Variants in DGKH observed in about 807,000 individuals in gnomAD.
DGKH encodes the protein diacylglycerol kinase eta, also known as DAG kinase eta.
DGKH carries 90 observed loss-of-function variants against 159.3 expected under a neutral mutation model. The ratio of observed to expected loss-of-function variants is 0.57; its 90% CI spans 0.48 to 0.67. The LOEUF (loss-of-function observed/expected upper bound fraction) is 0.67. DGKH is among the 30% of genes least tolerant of loss of function. The pLI, the probability that DGKH is intolerant of heterozygous loss-of-function variation, is 0.00. For missense variants in DGKH, 1,181 were observed against 1,506.1 expected (o/e 0.78, Z 3.57); for synonymous variants, 536 against 553.8 (o/e 0.97, Z 0.45).
At chr13:42,041,198 C>G (rs929861205) in intron 1 of DGKH, among the ~76,000 whole-genome samples, 1 of 151,090 alleles carries the variant, frequency 6.6e-6, no homozygotes, top group Non-Finnish European at 1.5e-5. Context: ...GCTTCACCGA[C>G]TCCTCAACTT....
chr13:42,064,715 G>T (rs1882435778), intron 1 of DGKH, among the ~76,000 whole-genome samples: 1 of 152,186 alleles, frequency 6.6e-6, no homozygotes, highest in Admixed American at 6.5e-5. Flanking sequence ...TAATTTTAAT[G>T]ATTTTAGATA....
intron 1 of DGKH, among the ~76,000 whole-genome samples, chr13:42,049,220 C>A (rs1454559055): frequency 6.7e-6 from 1 of 150,252 alleles, no homozygotes; most frequent in African/African-American, 2.5e-5. Context: ...CGCTGGACCG[C>A]GGTGCTGCGG....
At chr13:42,193,393 G>T (rs1957130168) in intron 16 of DGKH, among the ~76,000 whole-genome samples, 2 of 152,170 alleles carry the variant, frequency 1.3e-5, no homozygotes, top group African/African-American at 4.8e-5. Context: ...GTCTTTAATG[G>T]TACAGTATTT....
At position 42,238,368 on chromosome 13, in the gene DGKH, C is replaced by T. The variant is rs1472336955; in HGVS notation, c.*9180C>T. ...ATTTTCATCTGTTATATTACATGTT[C>T]ATATTATTCATTTTAGGATAGGCCA... On this transcript the variant is annotated 3_prime_UTR_variant, in exon 30 of 30. Transcript: ENST00000337343. 6.6e-6 allele frequency: 1 copy of T among 152,068 alleles called. No individual in the cohort carries two copies. Among genetic ancestry groups the T allele is most frequent in the Non-Finnish European group, 1.5e-5 (1 of 67,982 alleles). 9.4% of individuals were successfully genotyped at this position (152,068 alleles called of 1,614,324 possible).
chr13:42,060,456 C>T (rs1368906644), intron 1 of DGKH, among the ~76,000 whole-genome samples: 3 of 152,184 alleles, frequency 2.0e-5, no homozygotes, highest in African/African-American at 7.2e-5. Flanking sequence ...CCCTAGCCAT[C>T]TCAGTCTCCG....
At chr13:42,160,785 G>A (rs1019049973) in intron 7 of DGKH, among the ~76,000 whole-genome samples, 3 of 152,192 alleles carry the variant, frequency 2.0e-5, no homozygotes, top group African/African-American at 4.8e-5. Context: ...GTGGTTTTGA[G>A]TCTTGTCTTT....
At chr13:42,208,049 C>T (rs77314703) in intron 21 of DGKH, among the ~76,000 whole-genome samples, 17,186 of 152,054 alleles carry the variant, frequency 0.11, 1,219 homozygotes, top group Non-Finnish European at 0.16. Flanking sequence ...AAGAGCTTCA[C>T]ATTCATTATT....
rs754695434 is a variant in DGKH at position 42,214,594 on chromosome 13, C to T, written c.3102C>T (p.Ala1034=). Residue 1034 remains alanine, a synonymous_variant, in exon 25 of 30, where the codon GCC becomes GCT. Transcript: ENST00000337343. ...CCTGCTCCCATGCCCTGAATAAAGCCAACCCAAGGTGCCCGGAGGTGAGGA... is the reference window on the plus strand; with the variant it reads ...CCTGCTCCCATGCCCTGAATAAAGCTAACCCAAGGTGCCCGGAGGTGAGGA... ...VNACSHALNK[A]NPRCPESLTR... is the part of the protein sequence containing the mutation. The T allele has an allele frequency of 2.2e-5, 35 of 1,613,528 alleles. No homozygotes were observed. The East Asian group carries it at 7.8e-4, about 36-fold the overall frequency.
intron 29 of DGKH, chr13:42,225,255 A>C: frequency 1.3e-6 from 2 of 1,582,764 alleles, no homozygotes; most frequent in Non-Finnish European, 1.7e-6. Flanking sequence ...TTAGCAGATA[A>C]GGAAACAAAC....
intron 8 of DGKH, 125 bp downstream of exon 8, chr13:42,165,558 C>T (rs1956291379): frequency 2.1e-6 from 1 of 481,652 alleles, no homozygotes; most frequent in African/African-American, 2.0e-5. Context: ...TAAAATAATT[C>T]CATTTAAATT....
At chr13:42,200,001 A>G in intron 20 of DGKH, 92 bp downstream of exon 20, 1 of 1,039,018 alleles carries the variant, frequency 9.6e-7, no homozygotes, top group African/African-American at 1.6e-5. Context: ...CGTTTTGATT[A>G]GCAATTAAAT....
At chr13:42,205,352 C>A (rs1410231029) in intron 20 of DGKH, among the ~76,000 whole-genome samples, 2 of 152,082 alleles carry the variant, frequency 1.3e-5, no homozygotes, top group Non-Finnish European at 2.9e-5. Context: ...GAATAAACAG[C>A]ATTAATTGAA....
chr13:42,221,128 T>C (rs553583759), intron 28 of DGKH, 136 bp from the exon 29 acceptor site: 714 of 1,174,120 alleles, frequency 6.1e-4, no homozygotes, highest in Non-Finnish European at 7.7e-4. Context: ...TATGGTTTTG[T>C]TGAAACAACA....
chr13:42,073,682 T>A (rs969903677), intron 1 of DGKH, among the ~76,000 whole-genome samples: 1 of 152,230 alleles, frequency 6.6e-6, no homozygotes, highest in African/African-American at 2.4e-5. Context: ...TTTTTAGCTT[T>A]CTATGGGTTT....
intron 1 of DGKH, among the ~76,000 whole-genome samples, chr13:42,051,005 A>T (rs1881244676): frequency 6.6e-6 from 1 of 152,242 alleles, no homozygotes; most frequent in Admixed American, 6.5e-5. Context: ...GAATTGAATC[A>T]TGTCAAACAA....
intron 1 of DGKH, among the ~76,000 whole-genome samples, chr13:42,089,807 A>G (rs559610584): frequency 6.6e-6 from 1 of 152,286 alleles, no homozygotes; most frequent in South Asian, 2.1e-4. Context: ...TGCCACATAA[A>G]GTAAAGTATG....
chr13:42,215,718 G>T (rs371340103), intron 26 of DGKH, 51 bp downstream of exon 26: 2 of 1,489,746 alleles, frequency 1.3e-6, no homozygotes, highest in East Asian at 4.6e-5. Context: ...AAATGTCTGG[G>T]TCTTACCTTC....
At position 42,242,764 on chromosome 13, in the gene DGKH, C is replaced by T. The variant is rs1958537294; in HGVS notation, c.*13576C>T. On this transcript the variant is annotated 3_prime_UTR_variant, in exon 30 of 30. Coordinates refer to ENST00000337343, the MANE Select transcript of DGKH (RefSeq NM_178009.5). ...TTATGTATTTATTGTACGGAAGTCA[C>T]TGACGTGTGTATTTTTGTACTTTGC... 2.6e-5 allele frequency: 4 copies of T among 152,102 alleles called. No homozygotes were observed. In the South Asian group the frequency reaches 8.3e-4, roughly 31 times the overall value. 9.4% of individuals were successfully genotyped at this position (152,102 alleles called of 1,614,324 possible).
In DGKH at chr13:42,233,998, C is replaced by G. The variant is rs1958361056; in HGVS notation, c.*4810C>G. The stretch of plus-strand genomic sequence containing the variant: ...ATTGCAAGTTAATCTCATTTAAGCC[C>G]TCTAAAAAGGCATGCTTTGCTAGAT... On this transcript the variant is annotated 3_prime_UTR_variant, in exon 30 of 30. Transcript: ENST00000337343. 1 of 152,160 alleles carries G rather than the reference C, an allele frequency of 6.6e-6. No homozygotes were observed. Among genetic ancestry groups the G allele is most frequent in the African/African-American group, 2.4e-5 (1 of 41,432 alleles). The allele number at this position is 152,160 out of a possible 1,614,324, so 9.4% of individuals were successfully genotyped here.
Sources: allele counts gnomAD v4.1 joint callset (sites outside exome capture counted in the v4.1 genomes callset), GRCh38; gene constraint gnomAD v4.1.1; transcripts MANE v1.5; gene names NCBI Gene and HGNC (gene_info 2026-07-23, HGNC 2026-07-21).